Variants in CRYM observed in about 807,000 individuals in gnomAD.
CRYM encodes ketimine reductase mu-crystallin.
CRYM carries 18 observed loss-of-function variants against 32.9 expected under a neutral mutation model. The ratio of observed to expected loss-of-function variants is 0.55; its 90% CI spans 0.38 to 0.81. The LOEUF (loss-of-function observed/expected upper bound fraction) is 0.81, where lower values mean the gene tolerates loss of function less well. Among genes scored for constraint, CRYM ranks in the 30% least tolerant of loss-of-function variants. The probability of loss-of-function intolerance (pLI) is 0.00; values close to 1 mark genes in which losing one functional copy is unlikely to be tolerated. For missense variants in CRYM, 337 were observed against 393.5 expected (o/e 0.86, Z 1.21); for synonymous variants, 153 against 152.4 (o/e 1.00, Z -0.03).
chr16:21,272,520 A>T (rs1743884427), intron 3 of CRYM, among the ~76,000 whole-genome samples: 2 of 152,180 alleles, frequency 1.3e-5, no homozygotes, highest in South Asian at 4.1e-4. Flanking sequence ...CCCCCTCACA[A>T]GTAACTGATT....
At chr16:21,292,965 T>A (rs1960698186) in intron 1 of CRYM, among the ~76,000 whole-genome samples, 1 of 151,938 alleles carries the variant, frequency 6.6e-6, no homozygotes, top group African/African-American at 2.4e-5. Flanking sequence ...GATGGATGGA[T>A]GGATGGATTG....
intron 3 of CRYM, among the ~76,000 whole-genome samples, chr16:21,272,791 A>G (rs1231310596): frequency 6.9e-6 from 1 of 144,362 alleles, no homozygotes; most frequent in African/African-American, 2.6e-5. Context: ...CTGGGATTAC[A>G]GGCACCTGCC....
chr16:21,298,654 A>G (rs1960836074), intron 1 of CRYM, among the ~76,000 whole-genome samples: 1 of 152,226 alleles, frequency 6.6e-6, no homozygotes, highest in African/African-American at 2.4e-5. Context: ...TTGCTCAAAT[A>G]ACAATAAAAG....
intron 3 of CRYM, among the ~76,000 whole-genome samples, chr16:21,272,597 C>T (rs1276250042): frequency 6.6e-6 from 1 of 152,082 alleles, no homozygotes; most frequent in African/African-American, 2.4e-5. Flanking sequence ...AGACATACTG[C>T]TTTACACTCT....
In CRYM at chr16:21,262,036, C is replaced by T. The variant is rs1366818413; in HGVS notation, c.795+1G>A. The T allele has an allele frequency of 6.2e-7, 1 of 1,613,906 alleles. No individual in the cohort carries two copies. Among genetic ancestry groups the T allele is most frequent in the Admixed American group, 1.7e-5 (1 of 60,028 alleles). ...CCTGACTGGGGTCAGAAGGGCCTCA[C>T]CCCTGACAGCAGGACATCTCCAGAC... On this transcript the variant is annotated splice_donor_variant, in intron 6 of 7. Coordinates refer to ENST00000572914, the MANE Select transcript of CRYM (RefSeq NM_001376256.1). LOFTEE classifies it high-confidence loss of function.
intron 1 of CRYM, among the ~76,000 whole-genome samples, chr16:21,294,350 T>C (rs1960739704): frequency 1.3e-5 from 2 of 152,218 alleles, no homozygotes; most frequent in Admixed American, 1.3e-4. Flanking sequence ...TTTTTTTAAA[T>C]TTACTTTAAG....
chr16:21,272,933 G>A lies in CRYM; in HGVS notation c.387+2599C>T, dbSNP rs374107210. The stretch of plus-strand genomic sequence containing the variant: ...TCTGCCTGCCTCAGCCTCCCAAAGT[G>A]CTGGGATTGCAGGCGTGAGCCACTG... On this transcript the variant is annotated intron_variant, in intron 3 of 7. Coordinates refer to ENST00000572914, the MANE Select transcript of CRYM (RefSeq NM_001376256.1). Among the ~76,000 whole-genome samples the A allele has an allele frequency of 5.8e-4, 87 of 148,852 alleles. 1 individual carries two copies. In the South Asian group the frequency reaches 0.016, roughly 28 times the overall value.
At chr16:21,262,622 AAAAC>A (rs992339596) in intron 5 of CRYM, among the ~76,000 whole-genome samples, 28 of 152,134 alleles carry the variant, frequency 1.8e-4, no homozygotes, top group African/African-American at 5.3e-4. Context: ...CCATCTCAAA[AAAAC>A]AAACAAACAA....
At chr16:21,266,418 G>C (rs1268719166) in intron 5 of CRYM, among the ~76,000 whole-genome samples, 2 of 152,042 alleles carry the variant, frequency 1.3e-5, no homozygotes, top group Non-Finnish European at 2.9e-5. Flanking sequence ...AAGAATTCAT[G>C]ACAGCACCTG....
At chr16:21,278,037 G>A in intron 1 of CRYM, 45 bp downstream of exon 1, 1 of 1,514,820 alleles carries the variant, frequency 6.6e-7, no homozygotes. Context: ...TCCTTTCCCC[G>A]CTTTCCAGTT....
In CRYM at chr16:21,293,252, C is replaced by T. The variant is rs141456192; in HGVS notation, c.-193+9726G>A. On this transcript the variant is annotated intron_variant, in intron 1 of 9. Coordinates refer to the CRYM transcript ENST00000219599. ...TCCCTATAACCTCTTAACTCTATCC[C>T]AGTAGGAAGAAGGTTGTGAAAACTG... Among the ~76,000 whole-genome samples the T allele has an allele frequency of 8.2e-3, 1,244 of 152,204 alleles. 15 individuals are homozygous for T. The highest frequency in any genetic ancestry group is 0.026 in the African/African-American group (1,075 of 41,506).
intron 3 of CRYM, among the ~76,000 whole-genome samples, chr16:21,271,957 C>G (rs191001476): frequency 2.0e-5 from 3 of 151,718 alleles, no homozygotes; most frequent in Admixed American, 2.0e-4. Flanking sequence ...TTCCTGGGTT[C>G]AAGCGATTCT....
At chr16:21,278,445 G>T, upstream of CRYM, 4 of 642,262 alleles carry the variant, frequency 6.2e-6, no homozygotes, top group Non-Finnish European at 1.1e-5. Flanking sequence ...CTAAGGGTGG[G>T]CGAGATGGGT....
Position 21,262,129 on chromosome 16 carries a change from C to G in CRYM, c.703G>C (p.Glu235Gln). The change falls in exon 6 of 8, where the codon GAA becomes CAA. Residue 235 changes from glutamate to glutamine, a missense_variant. Coordinates refer to ENST00000572914, the MANE Select transcript of CRYM (RefSeq NM_001376256.1). The part of the protein sequence containing the change: ...AVGASRPDWR[E>Q]LDDELMKEAV... ...TCTTTCATGAGCTCATCATCCAGTT[C>G]TCTCCAGTCAGGTCTGCTGGCTCCA... The G allele has an allele frequency of 6.2e-7, 1 of 1,614,148 alleles. No homozygotes were observed. The highest frequency in any genetic ancestry group is 8.5e-7 in the Non-Finnish European group (1 of 1,180,022).
rs369218823 is a variant in CRYM at position 21,272,789 on chromosome 16, A to ACAGGCAC, written c.387+2736_387+2742dup. Among the ~76,000 whole-genome samples the ACAGGCAC allele has an allele frequency of 1.7e-3, 243 of 143,484 alleles. 6 individuals are homozygous for ACAGGCAC. In the East Asian group the frequency reaches 0.044, roughly 26 times the overall value. The allele number at this position is 143,484 out of a possible 152,430, so 94.1% of individuals were successfully genotyped here. On this transcript the variant is annotated intron_variant, in intron 3 of 7. Transcript: ENST00000572914. The stretch of plus-strand genomic sequence containing the variant: ...CTCAGCCTCCCAAGTAGCTGGGATT[A>ACAGGCAC]CAGGCACCTGCCACCATGCCCAGCT...
intron 6 of CRYM, chr16:21,261,569 G>T: frequency 1.7e-6 from 1 of 581,984 alleles, no homozygotes; most frequent in African/African-American, 1.9e-5. Flanking sequence ...AGAGATTCGA[G>T]TTGGTGCTCA....
At chr16:21,260,553 G>A (rs968814695) in intron 7 of CRYM, among the ~76,000 whole-genome samples, 2 of 152,132 alleles carry the variant, frequency 1.3e-5, no homozygotes, top group Non-Finnish European at 2.9e-5. Flanking sequence ...GCCCACCTTG[G>A]CCTCCCAAAG....
upstream of CRYM, among the ~76,000 whole-genome samples, chr16:21,280,465 C>T (rs953555018): frequency 2.6e-5 from 4 of 152,116 alleles, no homozygotes; most frequent in Non-Finnish European, 5.9e-5. Context: ...AAGCAGACCC[C>T]AGAAAAACCT....
chr16:21,258,905 A>C, intron 7 of CRYM, 60 bp from the exon 8 acceptor site: 1 of 1,431,612 alleles, frequency 7.0e-7, no homozygotes, highest in Non-Finnish European at 9.8e-7. Context: ...GAAACAACCC[A>C]GGCCCCATGG....
Sources: allele counts gnomAD v4.1 joint callset (sites outside exome capture counted in the v4.1 genomes callset), GRCh38; gene constraint gnomAD v4.1.1; transcripts MANE v1.5; gene names NCBI Gene and HGNC (gene_info 2026-07-23, HGNC 2026-07-21).